The following SORCS1 variants were observed in gnomAD, a reference collection of about 807,000 sequenced individuals.
SORCS1 encodes the protein VPS10 domain-containing receptor SorCS1.
SORCS1 carries 60 observed loss-of-function variants against 146.1 expected under a neutral mutation model. The observed-to-expected ratio is 0.41, with a 90% confidence interval of 0.33 to 0.51. The LOEUF (loss-of-function observed/expected upper bound fraction) is 0.51. Ranked by LOEUF, SORCS1 falls within the 20% of genes least tolerant of loss-of-function variation. The pLI, the probability that SORCS1 is intolerant of heterozygous loss-of-function variation, is 0.21. For synonymous variants in SORCS1, 637 were observed against 584.0 expected (o/e 1.09, Z -1.31); for missense variants, 1,352 against 1,487.6 (o/e 0.91, Z 1.50).
At chr10:106,955,450 G>C (rs549066141) in intron 2 of SORCS1, among the ~76,000 whole-genome samples, 1 of 152,368 alleles carries the variant, frequency 6.6e-6, no homozygotes, top group South Asian at 2.1e-4. Context: ...AGTGCAGCCT[G>C]ATGGGCTAAG....
chr10:107,065,153 G>A (rs1373448912), intron 1 of SORCS1, among the ~76,000 whole-genome samples: 2 of 152,186 alleles, frequency 1.3e-5, no homozygotes, highest in African/African-American at 4.8e-5. Context: ...GGGAGGCAGG[G>A]ATGGGATGGA....
chr10:107,092,373 T>C (rs1013889701), intron 1 of SORCS1, among the ~76,000 whole-genome samples: 3 of 152,226 alleles, frequency 2.0e-5, no homozygotes, highest in African/African-American at 2.4e-5. Flanking sequence ...TCATTGTTTA[T>C]GGTTGTGGAA....
At chr10:106,629,046 C>T (rs547165329) in intron 19 of SORCS1, among the ~76,000 whole-genome samples, 156 bp downstream of exon 19, 1 of 152,182 alleles carries the variant, frequency 6.6e-6, no homozygotes, top group Non-Finnish European at 1.5e-5. Context: ...TTTCTTCTCA[C>T]TCTTTCCTTA....
chr10:107,144,737 C>T (rs1968157312), intron 1 of SORCS1, among the ~76,000 whole-genome samples: 1 of 152,264 alleles, frequency 6.6e-6, no homozygotes, highest in African/African-American at 2.4e-5. Flanking sequence ...AACTCCTTGA[C>T]ATTCCTCTCC....
At chr10:106,923,870 T>G (rs1172106847) in intron 2 of SORCS1, among the ~76,000 whole-genome samples, 2 of 152,252 alleles carry the variant, frequency 1.3e-5, no homozygotes, top group African/African-American at 4.8e-5. Flanking sequence ...AGTGCTTGTA[T>G]AGTGTGGATA....
At chr10:106,785,061 A>C (rs949172119) in intron 3 of SORCS1, among the ~76,000 whole-genome samples, 1 of 152,186 alleles carries the variant, frequency 6.6e-6, no homozygotes, top group Non-Finnish European at 1.5e-5. Flanking sequence ...AGTTCAGGAA[A>C]TGCCACCCCA....
At chr10:106,962,738 C>A (rs1955298827) in intron 1 of SORCS1, among the ~76,000 whole-genome samples, 1 of 152,156 alleles carries the variant, frequency 6.6e-6, no homozygotes, top group South Asian at 2.1e-4. Flanking sequence ...TGGGAAGACT[C>A]CACAGCACTT....
intron 1 of SORCS1, among the ~76,000 whole-genome samples, chr10:107,013,630 G>T (rs1431897129): frequency 7.2e-5 from 11 of 151,986 alleles, no homozygotes; most frequent in Non-Finnish European, 1.5e-5. Context: ...AGCTCTTTAG[G>T]GATATTTATT....
chr10:107,130,770 T>A (rs558909301), intron 1 of SORCS1, among the ~76,000 whole-genome samples: 4 of 152,288 alleles, frequency 2.6e-5, no homozygotes, highest in African/African-American at 9.6e-5. Flanking sequence ...ATTACTCTTT[T>A]AATTGGAATT....
intron 19 of SORCS1, 105 bp from the exon 20 acceptor site, chr10:106,620,666 C>G (rs1847682651): frequency 7.2e-7 from 1 of 1,392,676 alleles, no homozygotes; most frequent in Admixed American, 2.7e-5. Flanking sequence ...CCCCCAAAAC[C>G]TGGCTGCCAT....
chr10:106,904,732 C>T lies in SORCS1; in HGVS notation c.626+51781G>A, dbSNP rs78010612. ...TACCTAATTATCCCACAAATGGATC[C>T]AACTGATAGACCCGTTTTGGCCCAT... On this transcript the variant is annotated intron_variant, in intron 2 of 25. Coordinates refer to ENST00000263054, the MANE Select transcript of SORCS1 (RefSeq NM_052918.5). 2.1e-3 allele frequency among the ~76,000 whole-genome samples: 319 copies of T among 152,282 alleles called. 3 individuals carry two copies. Among genetic ancestry groups the T allele is most frequent in the African/African-American group, 6.7e-3 (279 of 41,544 alleles).
At chr10:106,942,937 C>T (rs557777321) in intron 2 of SORCS1, among the ~76,000 whole-genome samples, 1 of 152,264 alleles carries the variant, frequency 6.6e-6, no homozygotes, top group African/African-American at 2.4e-5. Flanking sequence ...TTTAGTCTGT[C>T]ACCTCCTTTC....
At chr10:107,061,357 T>C (rs1233302475) in intron 1 of SORCS1, among the ~76,000 whole-genome samples, 1 of 152,172 alleles carries the variant, frequency 6.6e-6, no homozygotes, top group Non-Finnish European at 1.5e-5. Flanking sequence ...AATGCTTACT[T>C]TCAGTGTATG....
chr10:106,801,591 G>T (rs1006033325), intron 3 of SORCS1, among the ~76,000 whole-genome samples: 2 of 149,178 alleles, frequency 1.3e-5, no homozygotes, highest in Non-Finnish European at 3.0e-5. Context: ...TGCAGTGGTG[G>T]GATCTCGGCT....
At chr10:106,633,273 G>A (rs1848541693) in intron 18 of SORCS1, among the ~76,000 whole-genome samples, 1 of 152,158 alleles carries the variant, frequency 6.6e-6, no homozygotes, top group African/African-American at 2.4e-5. Flanking sequence ...CAGGGTAACT[G>A]TGATATCTAT....
intron 1 of SORCS1, among the ~76,000 whole-genome samples, chr10:107,117,822 T>C (rs1966138004): frequency 6.6e-6 from 1 of 152,140 alleles, no homozygotes; most frequent in African/African-American, 2.4e-5. Flanking sequence ...GTTCACAGCT[T>C]TAGAGGATTT....
At chr10:107,064,538 CCA>C (rs1961556039) in intron 1 of SORCS1, among the ~76,000 whole-genome samples, 1 of 152,126 alleles carries the variant, frequency 6.6e-6, no homozygotes, top group African/African-American at 2.4e-5. Flanking sequence ...CCATCATGCT[CCA>C]GTTTATGTAG....
intron 2 of SORCS1, among the ~76,000 whole-genome samples, chr10:106,834,248 G>A (rs192617184): frequency 9.8e-5 from 15 of 152,314 alleles, no homozygotes; most frequent in Middle Eastern, 3.4e-3. Context: ...AGGTTAGGCA[G>A]CAGACTGGCT....
At chr10:106,711,372 T>C (rs1004783553) in intron 6 of SORCS1, among the ~76,000 whole-genome samples, 1 of 152,136 alleles carries the variant, frequency 6.6e-6, no homozygotes, top group African/African-American at 2.4e-5. Context: ...AGGTGGGGAA[T>C]AGTATGTAGA....
Sources: gnomAD v4.1 joint callset for allele counts (sites outside exome capture counted in the v4.1 genomes callset) on GRCh38, gnomAD v4.1.1 for gene constraint, MANE v1.5 for transcripts, NCBI Gene and HGNC (gene_info 2026-07-23, HGNC 2026-07-21) for gene names.